Variants in RAPGEF5 observed in about 807,000 individuals in gnomAD.
RAPGEF5 encodes the protein M-Ras-regulated GEF.
A neutral mutation model predicts 125.2 loss-of-function variants in RAPGEF5; 65 were observed. The observed-to-expected ratio is 0.52, with a 90% CI of 0.43 to 0.64. RAPGEF5 has a LOEUF of 0.64. Among genes scored for constraint, RAPGEF5 ranks in the 30% least tolerant of loss-of-function variants. The probability of loss-of-function intolerance (pLI) is 0.00; values close to 1 mark genes in which losing one functional copy is unlikely to be tolerated. For missense variants in RAPGEF5, 958 were observed against 1,048.1 expected, an observed-to-expected ratio of 0.91 and a Z score of 1.19; for synonymous variants, 391 against 385.9, an observed-to-expected ratio of 1.01 and a Z score of -0.16.
chr7:22,316,455 A>G (rs1783593427), intron 2 of RAPGEF5, among the ~76,000 whole-genome samples: 1 of 107,204 alleles, frequency 9.3e-6, no homozygotes, highest in Admixed American at 1.0e-4. Context: ...GTATGTATAC[A>G]TAGACATATA....
chr7:22,224,042 TA>T (rs1785854622), intron 8 of RAPGEF5, among the ~76,000 whole-genome samples: 2 of 152,162 alleles, frequency 1.3e-5, no homozygotes, highest in Admixed American at 6.5e-5. Flanking sequence ...ATTTTATTTA[TA>T]AAAACAAACA....
intron 5 of RAPGEF5, among the ~76,000 whole-genome samples, chr7:22,301,198 C>A (rs182876333): frequency 6.6e-6 from 1 of 152,170 alleles, no homozygotes; most frequent in African/African-American, 2.4e-5. Context: ...TCCATCTTGG[C>A]CTGAACCTGT....
chr7:22,351,611 TCA>T (rs1198428685), intron 1 of RAPGEF5, among the ~76,000 whole-genome samples: 1 of 152,198 alleles, frequency 6.6e-6, no homozygotes, highest in Non-Finnish European at 1.5e-5. Flanking sequence ...ACTCATAGGC[TCA>T]TAGGCTTGTA....
chr7:22,350,087 A>C (rs1360468060), intron 1 of RAPGEF5, among the ~76,000 whole-genome samples: 4 of 152,192 alleles, frequency 2.6e-5, no homozygotes, highest in Non-Finnish European at 5.9e-5. Flanking sequence ...CTCAAAAAGT[A>C]CTTCCAGATC....
chr7:22,145,106 C>G lies in RAPGEF5; in HGVS notation c.2124G>C (p.Leu708=). 1.2e-6 allele frequency: 2 copies of G among 1,613,880 alleles called. No homozygotes were observed. Among genetic ancestry groups the G allele is most frequent in the Non-Finnish European group, 1.7e-6 (2 of 1,179,842 alleles). Residue 708 remains leucine, a synonymous_variant, in exon 20 of 26, where the codon CTG becomes CTC. Coordinates refer to ENST00000665637, the MANE Select transcript of RAPGEF5 (RefSeq NM_012294.5). ...EVQLWVATEI[L]LCSQLGKRVQ... is the part of the protein sequence containing the mutation. ...CTCGCTTGCCCAGCTGGCTGCAGAGCAGAATCTCCGTGGCCACCCAAAGCT... is the reference window on the plus strand; with the variant it reads ...CTCGCTTGCCCAGCTGGCTGCAGAGGAGAATCTCCGTGGCCACCCAAAGCT...
chr7:22,220,075 A>T, intron 8 of RAPGEF5, 84 bp from the exon 9 acceptor site: 1 of 1,490,064 alleles, frequency 6.7e-7, no homozygotes, highest in Non-Finnish European at 9.2e-7. Context: ...CCTTATAATA[A>T]GCTCATCTTT....
At chr7:22,126,221 A>G (rs976727228) in intron 24 of RAPGEF5, among the ~76,000 whole-genome samples, 1 of 152,170 alleles carries the variant, frequency 6.6e-6, no homozygotes, top group Non-Finnish European at 1.5e-5. Flanking sequence ...GAGAAAATAC[A>G]TTGTAGAGAA....
intron 11 of RAPGEF5, among the ~76,000 whole-genome samples, chr7:22,171,249 A>G (rs919908728): frequency 2.6e-5 from 4 of 152,196 alleles, no homozygotes; most frequent in Non-Finnish European, 4.4e-5. Context: ...AGAAAGACTT[A>G]CAAATCCACT....
intron 8 of RAPGEF5, among the ~76,000 whole-genome samples, chr7:22,221,293 A>C (rs919149207): frequency 6.6e-6 from 1 of 152,194 alleles, no homozygotes. Context: ...GGATTGTTGG[A>C]AAGTCCCTTA....
intron 11 of RAPGEF5, among the ~76,000 whole-genome samples, chr7:22,186,178 C>A (rs1461746499): frequency 2.6e-5 from 4 of 152,088 alleles, no homozygotes. Flanking sequence ...TTGGATAAAG[C>A]GATTTTCACA....
At chr7:22,236,344 C>T (rs910267743) in intron 7 of RAPGEF5, among the ~76,000 whole-genome samples, 9 of 152,132 alleles carry the variant, frequency 5.9e-5, no homozygotes, top group African/African-American at 1.4e-4. Flanking sequence ...TTTCCAGTCA[C>T]GAGTTGAATA....
intron 7 of RAPGEF5, 94 bp downstream of exon 7, chr7:22,266,870 T>G: frequency 1.6e-6 from 2 of 1,278,390 alleles, no homozygotes; most frequent in Non-Finnish European, 2.2e-6. Flanking sequence ...CACCATAACT[T>G]CCTGAGATAC....
At chr7:22,347,032 A>C (rs1007407583) in intron 1 of RAPGEF5, among the ~76,000 whole-genome samples, 1 of 152,094 alleles carries the variant, frequency 6.6e-6, no homozygotes, top group African/African-American at 2.4e-5. Flanking sequence ...ATTTATATGG[A>C]AAGTTTAACT....
chr7:22,153,184 C>G (rs540093932), intron 17 of RAPGEF5, among the ~76,000 whole-genome samples: 1 of 152,136 alleles, frequency 6.6e-6, no homozygotes, highest in South Asian at 2.1e-4. Context: ...AATGGGGACC[C>G]CAGGATCACT....
chr7:22,312,616 A>G (rs1783499204), intron 3 of RAPGEF5, among the ~76,000 whole-genome samples: 1 of 152,180 alleles, frequency 6.6e-6, no homozygotes, highest in East Asian at 1.9e-4. Flanking sequence ...TTGGGGAGGC[A>G]GGGCTCTGAC....
chr7:22,193,085 T>C (rs1785045026), intron 11 of RAPGEF5: 7 of 506,156 alleles, frequency 1.4e-5, no homozygotes, highest in Non-Finnish European at 2.5e-5. Flanking sequence ...TCTTGCCAAC[T>C]GCCTTTAGGT....
intron 11 of RAPGEF5, among the ~76,000 whole-genome samples, chr7:22,172,217 G>C (rs1420564790): frequency 2.0e-5 from 3 of 151,908 alleles, no homozygotes; most frequent in Non-Finnish European, 4.4e-5. Context: ...CCGCCTCCTG[G>C]GTTCAAGCTA....
intron 23 of RAPGEF5, 71 bp from the exon 24 acceptor site, chr7:22,131,172 G>A: frequency 7.0e-7 from 1 of 1,427,112 alleles, no homozygotes; most frequent in African/African-American, 1.5e-5. Flanking sequence ...AAGAGGTCTA[G>A]GTACAATGCA....
chr7:22,191,355 CATT>C (rs1784991394), intron 11 of RAPGEF5: 1 of 341,562 alleles, frequency 2.9e-6, no homozygotes, highest in African/African-American at 2.1e-5. Context: ...TTTATATACA[CATT>C]AATCATTTTC....
Sources: allele counts gnomAD v4.1 joint callset (sites outside exome capture counted in the v4.1 genomes callset), GRCh38; gene constraint gnomAD v4.1.1; transcripts MANE v1.5; gene names NCBI Gene and HGNC (gene_info 2026-07-23, HGNC 2026-07-21).